The following CLHC1 variants were observed in gnomAD, a reference collection of about 807,000 sequenced individuals.
CLHC1 encodes the protein clathrin heavy chain linker domain-containing protein 1.
A neutral mutation model predicts 69.5 loss-of-function variants in CLHC1; 72 were observed. The observed-to-expected ratio is 1.04, with a 90% CI of 0.86 to 1.26. The LOEUF (loss-of-function observed/expected upper bound fraction) is 1.26, where lower values mean the gene tolerates loss of function less well. Among genes scored for constraint, CLHC1 ranks in the 50% most tolerant of loss-of-function variants. CLHC1 has a pLI of 0.00. For synonymous variants in CLHC1, 223 were observed against 224.3 expected (o/e 0.99, Z 0.05); for missense variants, 790 against 679.3 (o/e 1.16, Z -1.81).
chr2:55,230,099 T>G (rs1266450680), intron 1 of CLHC1, among the ~76,000 whole-genome samples: 1 of 152,170 alleles, frequency 6.6e-6, no homozygotes, highest in African/African-American at 2.4e-5. Context: ...AGAATTGTTC[T>G]TGTTGCTCTG....
chr2:55,198,731 A>C (rs111786943), intron 9 of CLHC1, among the ~76,000 whole-genome samples: 37 of 152,318 alleles, frequency 2.4e-4, no homozygotes, highest in African/African-American at 7.7e-4. Flanking sequence ...CAAACTCCCA[A>C]AGGTCAAGGA....
intron 2 of CLHC1, 59 bp from the exon 3 acceptor site, chr2:55,222,552 G>C: frequency 1.7e-6 from 1 of 594,896 alleles, no homozygotes; most frequent in East Asian, 3.0e-5. Context: ...GTCAAATATT[G>C]ATCTAAAAAT....
chr2:55,195,681 A>T (rs1171163818), intron 9 of CLHC1, among the ~76,000 whole-genome samples: 1 of 152,158 alleles, frequency 6.6e-6, no homozygotes, highest in African/African-American at 2.4e-5. Flanking sequence ...AGGCACCTGT[A>T]ATCCCAGCTA....
chr2:55,208,592 A>G (rs1329672628), intron 8 of CLHC1, 34 bp downstream of exon 8: 1 of 1,329,448 alleles, frequency 7.5e-7, no homozygotes, highest in Non-Finnish European at 1.1e-6. Flanking sequence ...GAAAAAATAT[A>G]ATTCTGAAAA....
At chr2:55,211,522 A>G (rs912121611) in intron 5 of CLHC1, among the ~76,000 whole-genome samples, 5 of 135,012 alleles carry the variant, frequency 3.7e-5, no homozygotes, top group African/African-American at 1.4e-4. Context: ...AAAAAAAAAA[A>G]GAAAGTGAAT....
chr2:55,212,635 C>A, intron 5 of CLHC1, 38 bp downstream of exon 5: 1 of 1,520,496 alleles, frequency 6.6e-7, no homozygotes, highest in Non-Finnish European at 9.1e-7. Context: ...TGGAAATAAT[C>A]AGGATTTCTC....
chr2:55,203,205 G>T (rs1230039928), intron 9 of CLHC1, among the ~76,000 whole-genome samples: 1 of 152,124 alleles, frequency 6.6e-6, no homozygotes, highest in Non-Finnish European at 1.5e-5. Context: ...TGGATTGGAA[G>T]AATCAGTATT....
intron 9 of CLHC1, among the ~76,000 whole-genome samples, chr2:55,195,170 G>T (rs1671291927): frequency 6.6e-6 from 1 of 152,068 alleles, no homozygotes; most frequent in East Asian, 1.9e-4. Flanking sequence ...AGTATCCTCT[G>T]ACCAACATTT....
At chr2:55,212,513 T>C (rs1250966081) in intron 5 of CLHC1, among the ~76,000 whole-genome samples, 160 bp downstream of exon 5, 1 of 152,206 alleles carries the variant, frequency 6.6e-6, no homozygotes. Context: ...CGTTTTTCCA[T>C]TCCCTTGAAT....
chr2:55,207,114 G>GA lies in CLHC1; in HGVS notation c.900-739dup, dbSNP rs879324268. On this transcript the variant is annotated intron_variant, in intron 8 of 12. Transcript: ENST00000401408. ...TGGGCGACAGAGTGAGACTCCGTCT[G>GA]AAAAAAAAAAAAATGAAGCTGCCAA... is the stretch of plus-strand genomic sequence containing the variant. Among the ~76,000 whole-genome samples, 1,256 of 141,608 alleles carry GA rather than the reference G, an allele frequency of 8.9e-3. 7 individuals carry two copies. The highest frequency in any genetic ancestry group is 0.012 in the Non-Finnish European group (746 of 64,544). 92.9% of individuals were successfully genotyped at this position (141,608 alleles called of 152,430 possible).
At chr2:55,226,425 A>G (rs1392486333) in intron 2 of CLHC1, among the ~76,000 whole-genome samples, 1 of 152,228 alleles carries the variant, frequency 6.6e-6, no homozygotes, top group Non-Finnish European at 1.5e-5. Flanking sequence ...ATAAATATCT[A>G]TTTAATATTT....
Position 55,173,670 on chromosome 2 carries a change from C to T in CLHC1, c.*2120G>A, listed in dbSNP as rs1182801998. On this transcript the variant is annotated 3_prime_UTR_variant, in exon 13 of 13. Transcript: ENST00000401408. ...TGGAGGCTCTTATAGCTTCAAAGCCCTCTGTAGCTCACAACTCAATTCTTT... is the reference window on the plus strand; with the variant it reads ...TGGAGGCTCTTATAGCTTCAAAGCCTTCTGTAGCTCACAACTCAATTCTTT... Among the ~76,000 whole-genome samples the T allele has an allele frequency of 6.6e-6, 1 of 152,178 alleles. No homozygotes were observed. The highest frequency in any genetic ancestry group is 1.5e-5 in the Non-Finnish European group (1 of 68,034).
chr2:55,222,469 C>A lies in CLHC1; in HGVS notation c.-58G>T. ...ACAGCTAAATCTTGACCTGCTCTTG[C>A]AACAAAGCCAAAACTTTGATAAGCC... is the stretch of plus-strand genomic sequence containing the variant. On this transcript the variant is annotated 5_prime_UTR_variant, in exon 3 of 13. Transcript: ENST00000401408. 2.3e-6 allele frequency: 3 copies of A among 1,319,318 alleles called. No homozygotes were observed. The highest frequency in any genetic ancestry group is 1.5e-5 in the South Asian group (1 of 65,718). 81.7% of individuals were successfully genotyped at this position (1,319,318 alleles called of 1,614,324 possible).
At chr2:55,176,547 C>A (rs73936954) in intron 12 of CLHC1, among the ~76,000 whole-genome samples, 50 of 152,188 alleles carry the variant, frequency 3.3e-4, no homozygotes, top group African/African-American at 1.1e-3. Context: ...GAAATAAAAT[C>A]ATTTTGTTTG....
intron 9 of CLHC1, among the ~76,000 whole-genome samples, chr2:55,182,809 C>T (rs992214448): frequency 1.3e-5 from 2 of 152,006 alleles, no homozygotes; most frequent in Non-Finnish European, 2.9e-5. Context: ...TGAAAAGGCT[C>T]TCTCAGAGAG....
intron 3 of CLHC1, chr2:55,218,676 GT>G (rs1330321260): frequency 6.6e-6 from 1 of 152,018 alleles, no homozygotes; most frequent in Non-Finnish European, 1.5e-5. Flanking sequence ...TCCTTTACTG[GT>G]TTATTTATTC....
intron 4 of CLHC1, among the ~76,000 whole-genome samples, chr2:55,217,107 A>G (rs1673594281): frequency 6.6e-6 from 1 of 152,090 alleles, no homozygotes; most frequent in South Asian, 2.1e-4. Flanking sequence ...AGGTGGGAGG[A>G]TCACTTGTAC....
At chr2:55,188,923 AT>A (rs1670668946) in intron 9 of CLHC1, among the ~76,000 whole-genome samples, 1 of 152,214 alleles carries the variant, frequency 6.6e-6, no homozygotes, top group Non-Finnish European at 1.5e-5. Context: ...GATTACAAGG[AT>A]GTGATCCAGC....
chr2:55,193,651 T>C lies in CLHC1; in HGVS notation c.1007-11907A>G, dbSNP rs149796777. On this transcript the variant is annotated intron_variant, in intron 9 of 12. Coordinates refer to ENST00000401408, the MANE Select transcript of CLHC1 (RefSeq NM_152385.4). ...GATAGATAAAAACACACCCTGTTCA[T>C]AAGGAACCCTTATACATTACTAGCA... Among the ~76,000 whole-genome samples, 1,055 of 152,248 alleles carry C rather than the reference T, an allele frequency of 6.9e-3. 10 individuals are homozygous for C. Among genetic ancestry groups the C allele is most frequent in the Non-Finnish European group, 8.7e-3 (593 of 68,000 alleles).
Sources: gnomAD v4.1 joint callset for allele counts (sites outside exome capture counted in the v4.1 genomes callset) on GRCh38, gnomAD v4.1.1 for gene constraint, MANE v1.5 for transcripts, NCBI Gene and HGNC (gene_info 2026-07-23, HGNC 2026-07-21) for gene names.